The following LOXL2 variants were observed in gnomAD, a reference collection of about 807,000 sequenced individuals.
The protein encoded by LOXL2 is lysyl oxidase homolog 2.
In LOXL2, 70 loss-of-function variants were observed where a neutral mutation model predicts 93.0. That is an observed-to-expected ratio of 0.75 (90% CI 0.62 to 0.92). The LOEUF (loss-of-function observed/expected upper bound fraction) is 0.92, where lower values mean the gene tolerates loss of function less well. Ranked by LOEUF, LOXL2 falls within the 40% of genes least tolerant of loss-of-function variation. LOXL2 has a pLI of 0.00. For synonymous variants in LOXL2, 438 were observed against 413.2 expected (o/e 1.06, Z -0.73); for missense variants, 973 against 1,054.9 (o/e 0.92, Z 1.08).
In LOXL2 at chr8:23,317,047, C is replaced by A; in HGVS notation, c.1538G>T (p.Gly513Val). The A allele has an allele frequency of 6.2e-7, 1 of 1,614,218 alleles. No individual in the cohort carries two copies. The highest frequency in any genetic ancestry group is 8.5e-7 in the Non-Finnish European group (1 of 1,180,032). The change falls in exon 9 of 14, where the codon GGA becomes GTA. Residue 513 changes from glycine to valine, a missense_variant. By Grantham distance (109) the Gly-to-Val change is moderately radical. Coordinates refer to ENST00000389131, the MANE Select transcript of LOXL2 (RefSeq NM_002318.3). ...KVVMSGVKCSGTELSLAHCRH... is the reference protein window; with the variant it reads ...KVVMSGVKCSVTELSLAHCRH... The stretch of plus-strand genomic sequence containing the variant: ...GCAGTGCGCCAGGGACAGCTCCGTT[C>A]CCGAGCACTTCACTCCACTCATGAC...
chr8:23,323,109 T>A (rs1803522997), intron 6 of LOXL2, among the ~76,000 whole-genome samples: 1 of 152,252 alleles, frequency 6.6e-6, no homozygotes, highest in Non-Finnish European at 1.5e-5. Flanking sequence ...AGTTTCTATT[T>A]CCTTGGAAAC....
At chr8:23,326,590 C>A (rs1803580529) in intron 6 of LOXL2, among the ~76,000 whole-genome samples, 1 of 152,112 alleles carries the variant, frequency 6.6e-6, no homozygotes, top group Non-Finnish European at 1.5e-5. Flanking sequence ...CCCGTCTTTA[C>A]TAAAAATACA....
intron 1 of LOXL2, among the ~76,000 whole-genome samples, chr8:23,388,620 TACTCACACAC>T (rs746729902): frequency 1.3e-4 from 9 of 70,612 alleles, no homozygotes; most frequent in African/African-American, 3.0e-4. Context: ...GCAAAAAATA[TACTCACACAC>T]ACACACACAC....
intron 1 of LOXL2, among the ~76,000 whole-genome samples, chr8:23,389,906 G>C (rs923235255): frequency 6.6e-6 from 1 of 152,158 alleles, no homozygotes; most frequent in East Asian, 1.9e-4. Flanking sequence ...GCCTGCCCCG[G>C]ATTTGAAGCA....
chr8:23,389,771 A>G (rs1184164481), intron 1 of LOXL2, among the ~76,000 whole-genome samples: 1 of 152,190 alleles, frequency 6.6e-6, no homozygotes, highest in African/African-American at 2.4e-5. Context: ...CTCACAAAGC[A>G]GGCTTCAATG....
At chr8:23,332,362 C>T (rs1196194873) in intron 5 of LOXL2, among the ~76,000 whole-genome samples, 1 of 132,558 alleles carries the variant, frequency 7.5e-6, no homozygotes, top group Non-Finnish European at 1.6e-5. Context: ...CTCATACACA[C>T]CCACACACAC....
chr8:23,349,020 G>C (rs537093228), intron 3 of LOXL2, among the ~76,000 whole-genome samples: 1 of 151,996 alleles, frequency 6.6e-6, no homozygotes, highest in African/African-American at 2.4e-5. Context: ...TCTTTTCATC[G>C]AGTCATTGAG....
At chr8:23,386,000 C>G in intron 1 of LOXL2, 1 of 765,282 alleles carries the variant, frequency 1.3e-6, no homozygotes, top group Non-Finnish European at 2.4e-6. Flanking sequence ...CACAACACAG[C>G]TTTGGACAAC....
Position 23,319,869 on chromosome 8 carries a change from G to A in LOXL2, c.1470+16C>T. 1 of 1,611,402 alleles carries A rather than the reference G, an allele frequency of 6.2e-7. No individual in the cohort carries two copies. Among genetic ancestry groups the A allele is most frequent in the Non-Finnish European group, 8.5e-7 (1 of 1,179,492 alleles). On this transcript the variant is annotated intron_variant, in intron 8 of 13. Transcript: ENST00000389131. ...CATGGGGGGTGAATGCGGGGTCTGA[G>A]GCCGGGGCTTCTCACCTGGAAGGCG... is the stretch of plus-strand genomic sequence containing the variant.
rs1439776608 is a variant in LOXL2 at position 23,320,175 on chromosome 8, T to C, written c.1303-123A>G. On this transcript the variant is annotated intron_variant, in intron 7 of 13. Coordinates refer to ENST00000389131, the MANE Select transcript of LOXL2 (RefSeq NM_002318.3). ...TGGTGCTGCCCGGGACACACTCAGATTCAGCAGCACCCTTGGGAGCCCCCG... is the reference window on the plus strand; with the variant it reads ...TGGTGCTGCCCGGGACACACTCAGACTCAGCAGCACCCTTGGGAGCCCCCG... 1.7e-5 allele frequency: 18 copies of C among 1,034,702 alleles called. No individual in the cohort carries two copies. In the East Asian group the frequency reaches 4.6e-4, roughly 26 times the overall value. 64.1% of individuals were successfully genotyped at this position (1,034,702 alleles called of 1,614,324 possible). A position where few individuals can be genotyped will look rare whatever the true frequency, so the allele number is the denominator to read the frequency against.
intron 1 of LOXL2, among the ~76,000 whole-genome samples, chr8:23,370,177 A>G (rs986133066): frequency 4.6e-5 from 7 of 152,072 alleles, no homozygotes; most frequent in African/African-American, 1.7e-4. Flanking sequence ...AGCCCTGCCC[A>G]TGGCACACAT....
chr8:23,345,186 C>T (rs1196900025), intron 3 of LOXL2, among the ~76,000 whole-genome samples: 3 of 152,152 alleles, frequency 2.0e-5, no homozygotes, highest in Non-Finnish European at 4.4e-5. Flanking sequence ...TTCACACAGC[C>T]AGTAAGTAGG....
chr8:23,318,424 A>AACACACACACACAC (rs1563188725), intron 8 of LOXL2, among the ~76,000 whole-genome samples: 2 of 60,402 alleles, frequency 3.3e-5, no homozygotes, highest in African/African-American at 1.1e-4. Context: ...ATTGGTTGAT[A>AACACACACACACAC]GCACACACAC....
In LOXL2 at chr8:23,390,173, G is replaced by A. The variant is rs146401632; in HGVS notation, c.-84+13781C>T. 2.5e-3 allele frequency among the ~76,000 whole-genome samples: 387 copies of A among 152,304 alleles called. 2 individuals carry two copies. The highest frequency in any genetic ancestry group is 9.0e-3 in the African/African-American group (375 of 41,568). On this transcript the variant is annotated intron_variant, in intron 1 of 13. Coordinates refer to ENST00000389131, the MANE Select transcript of LOXL2 (RefSeq NM_002318.3). Reference sequence around the variant, plus strand: ...GAGAGATGAATGGTCCTCATTCATGGCCCAGAGCACACTGTGGAGTGGCGA... The same window carrying A: ...GAGAGATGAATGGTCCTCATTCATGACCCAGAGCACACTGTGGAGTGGCGA...
chr8:23,339,599 G>A (rs995933733), intron 4 of LOXL2, among the ~76,000 whole-genome samples: 1 of 152,216 alleles, frequency 6.6e-6, no homozygotes, highest in Non-Finnish European at 1.5e-5. Flanking sequence ...CAGCCAGGCT[G>A]GGGGCACTGG....
intron 3 of LOXL2, among the ~76,000 whole-genome samples, chr8:23,342,492 C>T (rs1268808571): frequency 2.0e-5 from 3 of 147,692 alleles, no homozygotes; most frequent in South Asian, 2.1e-4. Flanking sequence ...AGTACAGTGG[C>T]GCGATCTCGG....
chr8:23,297,796 A>C lies in LOXL2; in HGVS notation c.*247T>G. 1 of 455,972 alleles carries C rather than the reference A, an allele frequency of 2.2e-6. No homozygotes were observed. The highest frequency in any genetic ancestry group is 4.0e-6 in the Non-Finnish European group (1 of 252,538). 28.2% of individuals were successfully genotyped at this position (455,972 alleles called of 1,614,324 possible). ...CAAGACTGGCTCTTGGTGCTGCTCC[A>C]GCAGCTCTGTGGACAAACCCCACCC... On this transcript the variant is annotated 3_prime_UTR_variant, in exon 14 of 14. Coordinates refer to ENST00000389131, the MANE Select transcript of LOXL2 (RefSeq NM_002318.3).
In LOXL2 at chr8:23,307,439, T is replaced by C. The variant is rs552703989; in HGVS notation, c.1880+2229A>G. Among the ~76,000 whole-genome samples, 202 of 152,010 alleles carry C rather than the reference T, an allele frequency of 1.3e-3. 1 individual carries two copies. Among genetic ancestry groups the C allele is most frequent in the African/African-American group, 4.4e-3 (184 of 41,452 alleles). ...AACATCTGTAAACAAAGAAATAAAA[T>C]AGACCACAGGAAAAGTGGGGGAGCA... On this transcript the variant is annotated intron_variant, in intron 10 of 13. Transcript: ENST00000389131.
At chr8:23,306,319 C>G (rs1358780942) in intron 10 of LOXL2, among the ~76,000 whole-genome samples, 1 of 152,224 alleles carries the variant, frequency 6.6e-6, no homozygotes, top group African/African-American at 2.4e-5. Flanking sequence ...CTTTTCCCAC[C>G]CCAGCCACGT....
Sources: allele counts gnomAD v4.1 joint callset (sites outside exome capture counted in the v4.1 genomes callset), GRCh38; gene constraint gnomAD v4.1.1; transcripts MANE v1.5; gene names NCBI Gene and HGNC (gene_info 2026-07-23, HGNC 2026-07-21).